The following OCLN variants were observed in gnomAD, a reference collection of about 807,000 sequenced individuals.
OCLN encodes the protein occludin, also known as phosphatase 1, regulatory subunit 115.
Under a neutral mutation model 47.9 loss-of-function variants are expected in OCLN, and 21 were observed. That is an observed-to-expected ratio of 0.44 (90% confidence interval 0.31 to 0.63). The LOEUF (loss-of-function observed/expected upper bound fraction) is 0.63, where lower values mean the gene tolerates loss of function less well. Among genes scored for constraint, OCLN ranks in the 30% least tolerant of loss-of-function variants. OCLN has a pLI of 0.08. For synonymous variants in OCLN, 117 were observed against 198.4 expected, an observed-to-expected ratio of 0.59 and a Z score of 3.45; for missense variants, 360 against 571.0, an observed-to-expected ratio of 0.63 and a Z score of 3.77.
At chr5:69,519,555 C>T (rs1235856013) in intron 4 of OCLN, among the ~76,000 whole-genome samples, 1 of 152,100 alleles carries the variant, frequency 6.6e-6, no homozygotes, top group African/African-American at 2.4e-5. Flanking sequence ...CTTTTATAGT[C>T]ACTCAGATGG....
intron 2 of OCLN, among the ~76,000 whole-genome samples, chr5:69,508,925 A>T (rs1768684756): frequency 6.6e-6 from 1 of 152,236 alleles, no homozygotes; most frequent in African/African-American, 2.4e-5. Context: ...ACTGTTTACA[A>T]TACCCCCAAA....
intron 4 of OCLN, among the ~76,000 whole-genome samples, chr5:69,533,925 G>A (rs562757437): frequency 3.9e-5 from 6 of 152,210 alleles, no homozygotes; most frequent in South Asian, 2.1e-4. Flanking sequence ...CTCCCCAAGT[G>A]CTGGGATTAC....
chr5:69,510,240 T>G (rs1481857220), intron 3 of OCLN, among the ~76,000 whole-genome samples: 1 of 152,212 alleles, frequency 6.6e-6, no homozygotes, highest in East Asian at 1.9e-4. Flanking sequence ...GTGATGGGCT[T>G]CTTTTACGTA....
intron 3 of OCLN, among the ~76,000 whole-genome samples, chr5:69,510,094 A>G (rs1768737433): frequency 6.6e-6 from 1 of 152,250 alleles, no homozygotes; most frequent in Admixed American, 6.5e-5. Flanking sequence ...TATCCTAAAA[A>G]GAAACTTGTA....
rs796113378 is a variant in OCLN at position 69,507,626 on chromosome 5, A to G, written c.51-1515A>G. On this transcript the variant is annotated intron_variant, in intron 2 of 8. Transcript: ENST00000396442. The stretch of plus-strand genomic sequence containing the variant: ...AAAAAGATAATTTTTTTTTTTTAAG[A>G]CAGAGTTTTGCTCTTTTTGCCCAGG... 2.6e-5 allele frequency among the ~76,000 whole-genome samples: 4 copies of G among 151,504 alleles called. 1 individual carries two copies. The highest frequency in any genetic ancestry group is 9.7e-5 in the African/African-American group (4 of 41,346).
Position 69,504,209 on chromosome 5 carries a change from T to C in OCLN, c.-36T>C. The C allele has an allele frequency of 6.6e-7, 1 of 1,526,534 alleles. No individual in the cohort carries two copies. Among genetic ancestry groups the C allele is most frequent in the Non-Finnish European group, 9.1e-7 (1 of 1,100,078 alleles). 94.6% of individuals were successfully genotyped at this position (1,526,534 alleles called of 1,614,324 possible). A position where few individuals can be genotyped will look rare whatever the true frequency, so the allele number is the denominator to read the frequency against. On this transcript the variant is annotated 5_prime_UTR_variant, in exon 2 of 9. Coordinates refer to ENST00000396442, the MANE Select transcript of OCLN (RefSeq NM_001205254.2). The stretch of plus-strand genomic sequence containing the variant: ...TATCTTGGAAGCTAAAGGGCATTGC[T>C]CATCCTGAAGATCAGCTGACCATTG...
rs1203428184 is a variant in OCLN, at chr5:69,493,670, C to A, written c.-69+770C>A. Among the ~76,000 whole-genome samples the A allele has an allele frequency of 6.6e-6, 1 of 152,230 alleles. No individual in the cohort carries two copies. The highest frequency in any genetic ancestry group is 1.9e-4 in the East Asian group (1 of 5,150). The stretch of plus-strand genomic sequence containing the variant: ...CTCCGGGCGGTGCCTGCCCGGCGAA[C>A]GTGGGCGCGCGCTGCCTGGGAGCGC... On this transcript the variant is annotated intron_variant, in intron 1 of 8. Transcript: ENST00000396442. The surrounding 1 kb of genome is among the most constrained non-coding windows in gnomAD (Gnocchi z 5.3).
Position 69,493,714 on chromosome 5 carries a change from CG to C in OCLN, c.-69+817del, listed in dbSNP as rs1246452263. ...GGAGCGCCTCGGTGCGCACGGAAGC[CG>C]GGACCCGCGCCCAGCCGGGCCACGG... is the stretch of plus-strand genomic sequence containing the variant. On this transcript the variant is annotated intron_variant, in intron 1 of 8. Coordinates refer to ENST00000396442, the MANE Select transcript of OCLN (RefSeq NM_001205254.2). The surrounding 1 kb of genome is among the most constrained non-coding windows in gnomAD (Gnocchi z 5.3). Among the ~76,000 whole-genome samples the C allele has an allele frequency of 6.6e-6, 1 of 152,012 alleles. No homozygotes were observed. Among genetic ancestry groups the C allele is most frequent in the Admixed American group, 6.5e-5 (1 of 15,272 alleles).
At chr5:69,522,931 T>A (rs1055752188) in intron 4 of OCLN, among the ~76,000 whole-genome samples, 1 of 119,942 alleles carries the variant, frequency 8.3e-6, no homozygotes, top group African/African-American at 3.3e-5. Context: ...GTTCGCTATG[T>A]CGCCCAGGCT....
chr5:69,550,960 C>CTTTATT (rs1769852036), intron 7 of OCLN, among the ~76,000 whole-genome samples: 1 of 38,444 alleles, frequency 2.6e-5, no homozygotes, highest in Admixed American at 3.3e-4. Context: ...TAACTAACTG[C>CTTTATT]TCATAGAAGA....
intron 4 of OCLN, among the ~76,000 whole-genome samples, chr5:69,525,467 C>G (rs1414334119): frequency 6.6e-6 from 1 of 152,108 alleles, no homozygotes; most frequent in Non-Finnish European, 1.5e-5. Flanking sequence ...AAACCAGCAA[C>G]TCTTGGTGGT....
intron 4 of OCLN, among the ~76,000 whole-genome samples, chr5:69,529,426 A>G (rs1769370414): frequency 6.6e-6 from 1 of 152,216 alleles, no homozygotes; most frequent in African/African-American, 2.4e-5. Context: ...TCTTGTGAAG[A>G]TCTTTTAAAA....
At chr5:69,508,243 A>G (rs1768662147) in intron 2 of OCLN, among the ~76,000 whole-genome samples, 1 of 152,048 alleles carries the variant, frequency 6.6e-6, no homozygotes. Context: ...GGGTTTTACC[A>G]TGTTCTCCAG....
chr5:69,509,866 C>T, intron 3 of OCLN, 47 bp downstream of exon 3: 1 of 1,377,036 alleles, frequency 7.3e-7, no homozygotes, highest in Non-Finnish European at 1.0e-6. Context: ...TAGCAGAGGC[C>T]TTCAACTTGA....
Position 69,513,965 on chromosome 5 carries a change from G to A in OCLN, c.747G>A (p.Leu249=), listed in dbSNP as rs1410230979. The A allele has an allele frequency of 1.2e-6, 2 of 1,613,778 alleles. No individual in the cohort carries two copies. The highest frequency in any genetic ancestry group is 3.3e-5 in the Admixed American group (2 of 60,016). ...CTTTTTAGGCCATTGCCATTGTACTGGGGTTCATGATTATTGTGGCTTTTG... is the reference window on the plus strand; with the variant it reads ...CTTTTTAGGCCATTGCCATTGTACTAGGGTTCATGATTATTGTGGCTTTTG... The part of the protein sequence containing the change: ...VDPQEAIAIV[L]GFMIIVAFAL... The change falls in exon 4 of 9, where the codon CTG becomes CTA. Residue 249 remains leucine (L), a synonymous_variant. Transcript: ENST00000396442.
intron 4 of OCLN, among the ~76,000 whole-genome samples, chr5:69,519,896 A>G (rs1769085710): frequency 6.6e-6 from 1 of 152,202 alleles, no homozygotes; most frequent in Non-Finnish European, 1.5e-5. Context: ...AAAAAAATCC[A>G]CGTATATGTG....
Position 69,509,138 on chromosome 5 carries a change from C to T in OCLN, c.51-3C>T. On this transcript the variant is annotated splice_region_variant and splice_polypyrimidine_tract_variant and intron_variant, in intron 2 of 8. Coordinates refer to ENST00000396442, the MANE Select transcript of OCLN (RefSeq NM_001205254.2). ...CTTGAAATTATTTTCATGTTCATTT[C>T]AGCAAACCGAATCATTATGCACCAA... 6.2e-7 allele frequency: 1 copy of T among 1,612,940 alleles called. No individual in the cohort carries two copies. The highest frequency in any genetic ancestry group is 8.5e-7 in the Non-Finnish European group (1 of 1,178,934).
chr5:69,500,690 A>G (rs954661441), intron 1 of OCLN, among the ~76,000 whole-genome samples: 1 of 151,702 alleles, frequency 6.6e-6, no homozygotes, highest in Non-Finnish European at 1.5e-5. Context: ...CATGAGCCAC[A>G]TGATTTGGTT....
intron 4 of OCLN, among the ~76,000 whole-genome samples, chr5:69,519,049 G>T (rs945159033): frequency 1.1e-4 from 17 of 152,166 alleles, no homozygotes; most frequent in African/African-American, 3.6e-4. Context: ...GAAGTGGGAG[G>T]ATTGCTGGAG....
Sources: gnomAD v4.1 joint callset for allele counts (sites outside exome capture counted in the v4.1 genomes callset) on GRCh38, gnomAD v4.1.1 for gene constraint, Gnocchi (gnomAD v3.1) non-coding constraint, MANE v1.5 for transcripts, NCBI Gene and HGNC (gene_info 2026-07-23, HGNC 2026-07-21) for gene names.